The following TMEM135 variants were observed in gnomAD, a reference collection of about 807,000 sequenced individuals.
TMEM135 encodes peroxisomal membrane protein 52.
Under a neutral mutation model 60.3 loss-of-function variants are expected in TMEM135, and 30 were observed. The ratio of observed to expected loss-of-function variants is 0.50; its 90% confidence interval spans 0.37 to 0.68. The LOEUF (loss-of-function observed/expected upper bound fraction) is 0.68. Among genes scored for constraint, TMEM135 ranks in the 30% least tolerant of loss-of-function variants. The pLI, the probability that TMEM135 is intolerant of heterozygous loss-of-function variation, is 0.00. For synonymous variants in TMEM135, 190 were observed against 186.7 expected, an observed-to-expected ratio of 1.02 and a Z score of -0.14; for missense variants, 468 against 548.8, an observed-to-expected ratio of 0.85 and a Z score of 1.47.
At chr11:87,259,985 G>A (rs879768025) in intron 6 of TMEM135, among the ~76,000 whole-genome samples, 1 of 152,138 alleles carries the variant, frequency 6.6e-6, no homozygotes, top group Non-Finnish European at 1.5e-5. Context: ...AATGTAAAGA[G>A]GAGGAGAACA....
Position 87,309,680 on chromosome 11 carries a change from T to C in TMEM135, c.936+8T>C. On this transcript the variant is annotated splice_region_variant and intron_variant, in intron 10 of 14. Coordinates refer to ENST00000305494, the MANE Select transcript of TMEM135 (RefSeq NM_022918.4). ...TTTGTTAGTATATACAAGGTAAGGC[T>C]TTTAGAAGAGGAAAGAAAAATGGGA... is the stretch of plus-strand genomic sequence containing the variant. 1 of 1,612,726 alleles carries C rather than the reference T, an allele frequency of 6.2e-7. No homozygotes were observed. The highest frequency in any genetic ancestry group is 8.5e-7 in the Non-Finnish European group (1 of 1,179,370).
intron 6 of TMEM135, among the ~76,000 whole-genome samples, chr11:87,262,968 A>AATGCT (rs1222432717): frequency 6.6e-6 from 1 of 151,762 alleles, no homozygotes; most frequent in African/African-American, 2.4e-5. Context: ...GTTATAAGAT[A>AATGCT]TTGTCTTTTC....
intron 8 of TMEM135, among the ~76,000 whole-genome samples, chr11:87,303,259 G>A (rs77252567): frequency 0.036 from 5,549 of 152,212 alleles, 92 homozygotes; most frequent in Admixed American, 0.046. Flanking sequence ...TGTGAACTGC[G>A]CGTACAAGGG....
At position 87,324,716 on chromosome 11, in the gene TMEM135, C is replaced by T. The variant is rs1942887274; in HGVS notation, c.*3383C>T. 2.2e-6 allele frequency: 1 copy of T among 453,758 alleles called. No homozygotes were observed. The highest frequency in any genetic ancestry group is 4.4e-6 in the Non-Finnish European group (1 of 226,752). The allele number at this position is 453,758 out of a possible 1,614,324, so 28.1% of individuals were successfully genotyped here. A position where few individuals can be genotyped will look rare whatever the true frequency, so the allele number is the denominator to read the frequency against. Reference sequence around the variant, plus strand: ...GGGACTCTGGGATTCCAGGTGTGAGCCACGGTACCTAGCCATATTTTTATT... The same window carrying T: ...GGGACTCTGGGATTCCAGGTGTGAGTCACGGTACCTAGCCATATTTTTATT... On this transcript the variant is annotated 3_prime_UTR_variant, in exon 15 of 15. Transcript: ENST00000305494.
chr11:87,044,791 C>T (rs1021350099), intron 1 of TMEM135, among the ~76,000 whole-genome samples: 5 of 152,032 alleles, frequency 3.3e-5, no homozygotes, highest in South Asian at 2.1e-4. Context: ...GCTGGGACTA[C>T]AGGCCGCGCC....
chr11:87,325,089 G>A lies in TMEM135; in HGVS notation c.*3756G>A, dbSNP rs1433377503. 1 of 453,970 alleles carries A rather than the reference G, an allele frequency of 2.2e-6. No homozygotes were observed. Among genetic ancestry groups the A allele is most frequent in the East Asian group, 7.0e-5 (1 of 14,360 alleles). The allele number at this position is 453,970 out of a possible 1,614,324, so 28.1% of individuals were successfully genotyped here. ...GCCAGCTCTATAATTTCTTCTTCTTGTGGAATTAACAAAGAAAGGAGTGTC... is the reference window on the plus strand; with the variant it reads ...GCCAGCTCTATAATTTCTTCTTCTTATGGAATTAACAAAGAAAGGAGTGTC... On this transcript the variant is annotated 3_prime_UTR_variant, in exon 15 of 15. Coordinates refer to ENST00000305494, the MANE Select transcript of TMEM135 (RefSeq NM_022918.4).
intron 4 of TMEM135, among the ~76,000 whole-genome samples, chr11:87,153,719 C>G (rs1193212522): frequency 6.6e-6 from 1 of 152,172 alleles, no homozygotes; most frequent in Non-Finnish European, 1.5e-5. Flanking sequence ...AGGGCATTGT[C>G]AAATTGACTC....
At chr11:87,184,101 G>A (rs1039217221) in intron 5 of TMEM135, among the ~76,000 whole-genome samples, 4 of 151,670 alleles carry the variant, frequency 2.6e-5, no homozygotes, top group Non-Finnish European at 1.5e-5. Flanking sequence ...ACTTCATAAA[G>A]TACTTAGTGT....
chr11:87,237,595 G>A (rs1298520348), intron 6 of TMEM135, among the ~76,000 whole-genome samples: 2 of 151,692 alleles, frequency 1.3e-5, no homozygotes, highest in African/African-American at 4.8e-5. Flanking sequence ...ATTTTTGTGG[G>A]GACATAGTAG....
chr11:87,253,692 TATATATCC>T (rs1941467464), intron 6 of TMEM135, among the ~76,000 whole-genome samples: 1 of 139,862 alleles, frequency 7.1e-6, no homozygotes, highest in African/African-American at 2.6e-5. Context: ...TATATATATA[TATATATCC>T]TGGTGTACAC....
chr11:87,110,441 G>A, intron 4 of TMEM135, among the ~76,000 whole-genome samples: 1 of 150,612 alleles, frequency 6.6e-6, no homozygotes, highest in East Asian at 2.0e-4. Context: ...GGCACAGAGT[G>A]AGAACCTGTC....
chr11:87,145,118 C>T (rs1938378406), intron 4 of TMEM135, among the ~76,000 whole-genome samples: 1 of 152,140 alleles, frequency 6.6e-6, no homozygotes, highest in Non-Finnish European at 1.5e-5. Context: ...CATTTCCCCA[C>T]CTCCAGCCTC....
chr11:87,241,396 A>AC (rs1330882578), intron 6 of TMEM135, among the ~76,000 whole-genome samples: 2 of 152,074 alleles, frequency 1.3e-5, no homozygotes, highest in Non-Finnish European at 2.9e-5. Context: ...AGGTGTATAT[A>AC]CTTACAGGGT....
At chr11:87,191,455 A>G (rs1395369178) in intron 5 of TMEM135, among the ~76,000 whole-genome samples, 1 of 151,988 alleles carries the variant, frequency 6.6e-6, no homozygotes. Context: ...GTTAGCCAGG[A>G]TGGTTTCGAT....
intron 4 of TMEM135, among the ~76,000 whole-genome samples, chr11:87,151,412 G>A (rs201340227): frequency 2.0e-5 from 3 of 151,962 alleles, no homozygotes; most frequent in Admixed American, 6.6e-5. Flanking sequence ...ATGTGTTTTT[G>A]TGGGTACTTT....
intron 4 of TMEM135, among the ~76,000 whole-genome samples, chr11:87,131,856 C>T (rs921194906): frequency 6.6e-6 from 1 of 152,150 alleles, no homozygotes; most frequent in African/African-American, 2.4e-5. Context: ...TTTACAACCT[C>T]TCCCCATCGC....
rs748297437 is a variant in TMEM135, at chr11:87,038,195, C to A, written c.141+9C>A. 1 of 1,613,962 alleles carries A rather than the reference C, an allele frequency of 6.2e-7. No homozygotes were observed. Among genetic ancestry groups the A allele is most frequent in the African/African-American group, 1.3e-5 (1 of 75,006 alleles). On this transcript the variant is annotated intron_variant, in intron 1 of 14. Coordinates refer to ENST00000305494, the MANE Select transcript of TMEM135 (RefSeq NM_022918.4). ...ATGCTCCTCTGTACTTGGTGAGACC[C>A]GTCACCCGTCCCGCAGGGCGAGTTT...
chr11:87,300,612 TATAAG>T (rs1241974399), intron 7 of TMEM135, among the ~76,000 whole-genome samples: 1 of 152,254 alleles, frequency 6.6e-6, no homozygotes, highest in African/African-American at 2.4e-5. Flanking sequence ...GTGCCTGTCG[TATAAG>T]ATATGCTCAG....
chr11:87,319,752 C>A (rs2134538081), intron 14 of TMEM135, among the ~76,000 whole-genome samples: 1 of 152,210 alleles, frequency 6.6e-6, no homozygotes, highest in African/African-American at 2.4e-5. Context: ...TATTGTGTTG[C>A]TTCTTGTTGT....
Sources: allele counts gnomAD v4.1 joint callset (sites outside exome capture counted in the v4.1 genomes callset), GRCh38; gene constraint gnomAD v4.1.1; transcripts MANE v1.5; gene names NCBI Gene and HGNC (gene_info 2026-07-23, HGNC 2026-07-21).